The following STK3 variants were observed in gnomAD, a reference collection of about 807,000 sequenced individuals.
The protein encoded by STK3 is serine/threonine kinase 3.
Under a neutral mutation model 58.0 loss-of-function variants are expected in STK3, and 41 were observed. That is an observed-to-expected ratio of 0.71 (90% CI 0.55 to 0.92). The LOEUF is 0.92. Among genes scored for constraint, STK3 ranks in the 40% least tolerant of loss-of-function variants. The pLI is 0.00. For synonymous variants in STK3, 170 were observed against 191.0 expected (o/e 0.89, Z 0.91); for missense variants, 479 against 602.7 (o/e 0.79, Z 2.15).
chr8:98,934,904 G>A (rs1280158574), intron 1 of STK3, among the ~76,000 whole-genome samples: 2 of 130,398 alleles, frequency 1.5e-5, no homozygotes, highest in Non-Finnish European at 1.8e-5. Flanking sequence ...GCAACAGAGC[G>A]AGACGCCGTC....
chr8:98,846,748 T>C (rs1836217406), intron 3 of STK3, among the ~76,000 whole-genome samples: 1 of 152,142 alleles, frequency 6.6e-6, no homozygotes, highest in South Asian at 2.1e-4. Context: ...TTGAGGGGCA[T>C]GTACCATATG....
At chr8:98,623,211 GAAGGAAGA>G (rs1248332964) in intron 6 of STK3, among the ~76,000 whole-genome samples, 1 of 152,002 alleles carries the variant, frequency 6.6e-6, no homozygotes, top group Non-Finnish European at 1.5e-5. Context: ...AAAATAAAGG[GAAGGAAGA>G]AAGGAAGAAA....
chr8:98,533,351 G>A (rs984142562), intron 9 of STK3, among the ~76,000 whole-genome samples: 1 of 152,096 alleles, frequency 6.6e-6, no homozygotes. Flanking sequence ...TGATGGTTGA[G>A]CCTAATCTCT....
chr8:98,710,317 T>G (rs754436170), intron 4 of STK3, among the ~76,000 whole-genome samples: 10 of 152,106 alleles, frequency 6.6e-5, no homozygotes, highest in Admixed American at 2.6e-4. Context: ...TACAGTGCAC[T>G]GAGCATGAGC....
chr8:98,490,276 A>G (rs1322697942), intron 10 of STK3, among the ~76,000 whole-genome samples: 2 of 152,212 alleles, frequency 1.3e-5, no homozygotes, highest in African/African-American at 4.8e-5. Context: ...AATAATGCTC[A>G]TAAGTGTTAG....
rs183403637 is a variant in STK3, at chr8:98,870,061, T to A, written c.110+13586A>T. Among the ~76,000 whole-genome samples, 150 of 152,270 alleles carry A rather than the reference T, an allele frequency of 9.9e-4. 1 individual carries two copies. The highest frequency in any genetic ancestry group is 1.8e-3 in the Non-Finnish European group (122 of 68,034). ...ACCCTGTGTCCAAGTGTTCTCATTGTTCGATTCCCACCTATGAGTGAGAAC... is the reference window on the plus strand; with the variant it reads ...ACCCTGTGTCCAAGTGTTCTCATTGATCGATTCCCACCTATGAGTGAGAAC... On this transcript the variant is annotated intron_variant, in intron 3 of 12. Coordinates refer to the STK3 transcript ENST00000523601.
intron 10 of STK3, among the ~76,000 whole-genome samples, chr8:98,500,909 C>T (rs1274079324): frequency 6.6e-6 from 1 of 152,112 alleles, no homozygotes; most frequent in Non-Finnish European, 1.5e-5. Flanking sequence ...ATTTATAATC[C>T]TTTGGGTATA....
rs770351679 is a variant in STK3, at chr8:98,428,981, C to T, written n.483+5146G>A. On this transcript the variant is annotated intron_variant and non_coding_transcript_variant, in intron 3 of 3. Coordinates refer to the STK3 transcript ENST00000517832. The surrounding 1 kb of genome is among the most constrained non-coding windows in gnomAD (Gnocchi z 6.7). ...ACAAAGAAGTAGGGCTGCTCTTGCTCTACCTCTCCGTGGGGATTTCCATCT... is the reference window on the plus strand; with the variant it reads ...ACAAAGAAGTAGGGCTGCTCTTGCTTTACCTCTCCGTGGGGATTTCCATCT... 6.2e-7 allele frequency: 1 copy of T among 1,614,194 alleles called. No homozygotes were observed. The highest frequency in any genetic ancestry group is 2.2e-5 in the East Asian group (1 of 44,872).
chr8:98,690,316 T>C (rs1487881536), intron 6 of STK3, among the ~76,000 whole-genome samples: 1 of 152,148 alleles, frequency 6.6e-6, no homozygotes, highest in Non-Finnish European at 1.5e-5. Context: ...TCAAGACTCC[T>C]AGGCCTGATA....
At chr8:98,400,770 C>G (rs1269934749), downstream of STK3, among the ~76,000 whole-genome samples, 1 of 147,866 alleles carries the variant, frequency 6.8e-6, no homozygotes, top group Non-Finnish European at 1.5e-5. Flanking sequence ...AATATTTTGT[C>G]TTTTTTAAAA....
chr8:98,378,265 C>T (rs1019104400), intron 2 of STK3, among the ~76,000 whole-genome samples: 5 of 152,200 alleles, frequency 3.3e-5, no homozygotes, highest in Non-Finnish European at 5.9e-5. Context: ...CCTTTCTCTA[C>T]AGTCAAGAGC....
rs1187304586 is a variant in STK3, at chr8:98,908,843, C to CAAA, written c.-78-25012_-78-25010dup. ...GGGGGACAAGAGAGAGACTTCTTCT[C>CAAA]AAAAAAAAAAAAAAAAAAAAAGAAA... On this transcript the variant is annotated intron_variant, in intron 1 of 1. Coordinates refer to the STK3 transcript ENST00000519420. Among the ~76,000 whole-genome samples the CAAA allele has an allele frequency of 1.7e-4, 10 of 60,384 alleles. 1 individual carries two copies. The highest frequency in any genetic ancestry group is 2.7e-4 in the Non-Finnish European group (8 of 29,564). The allele number at this position is 60,384 out of a possible 152,430, so 39.6% of individuals were successfully genotyped here. A position where few individuals can be genotyped will look rare whatever the true frequency, so the allele number is the denominator to read the frequency against.
intron 1 of STK3, among the ~76,000 whole-genome samples, chr8:98,919,180 C>A (rs762246335): frequency 2.0e-5 from 3 of 152,184 alleles, no homozygotes; most frequent in Non-Finnish European, 4.4e-5. Context: ...CCCTCATATG[C>A]CTCCCTTACC....
chr8:98,378,956 G>A (rs1040377849), intron 2 of STK3, among the ~76,000 whole-genome samples: 1 of 152,198 alleles, frequency 6.6e-6, no homozygotes, highest in Non-Finnish European at 1.5e-5. Context: ...AGAACCCTGT[G>A]GTGTTTGGGG....
intron 10 of STK3, among the ~76,000 whole-genome samples, chr8:98,493,232 CAAAAAAAAAAAA>C (rs58987455): frequency 8.3e-6 from 1 of 120,242 alleles, no homozygotes; most frequent in Non-Finnish European, 1.8e-5. Flanking sequence ...GACCCTGTCT[CAAAAAAAAAAAA>C]AAAAATCATC....
chr8:98,589,506 T>C (rs1368547801), intron 7 of STK3, among the ~76,000 whole-genome samples: 1 of 152,232 alleles, frequency 6.6e-6, no homozygotes, highest in Non-Finnish European at 1.5e-5. Flanking sequence ...TTCAAAGCTG[T>C]CAGACAGGGA....
At chr8:98,903,490 C>G (rs927964007) in intron 1 of STK3, among the ~76,000 whole-genome samples, 16 of 19,392 alleles carry the variant, frequency 8.3e-4, no homozygotes, top group South Asian at 2.4e-3. Context: ...TTAGGAAGTT[C>G]TTCTTCTTCT....
chr8:98,655,603 AT>A (rs2130749769), intron 6 of STK3, among the ~76,000 whole-genome samples: 1 of 151,858 alleles, frequency 6.6e-6, no homozygotes, highest in Non-Finnish European at 1.5e-5. Flanking sequence ...AAGGGCTAAT[AT>A]CCAGAATCTA....
chr8:98,747,999 T>C (rs999515144), intron 4 of STK3, among the ~76,000 whole-genome samples: 6 of 152,246 alleles, frequency 3.9e-5, no homozygotes, highest in Admixed American at 2.0e-4. Flanking sequence ...AACTATAGTA[T>C]GTCTTCACAG....
Sources: gnomAD v4.1 joint callset for allele counts (sites outside exome capture counted in the v4.1 genomes callset) on GRCh38, gnomAD v4.1.1 for gene constraint, Gnocchi (gnomAD v3.1) non-coding constraint, MANE v1.5 for transcripts, NCBI Gene and HGNC (gene_info 2026-07-23, HGNC 2026-07-21) for gene names.